ABI3BP: variants seen among roughly 807,000 people sequenced by gnomAD.
ABI3BP encodes the protein ABI family member 3 binding protein, also known as target of Nesh-SH3.
Under a neutral mutation model 268.6 loss-of-function variants are expected in ABI3BP, and 216 were observed. That is an observed-to-expected ratio of 0.80 (90% CI 0.72 to 0.90). The LOEUF is 0.90. ABI3BP is among the 40% of genes least tolerant of loss of function. ABI3BP has a pLI of 0.00. For synonymous variants in ABI3BP, 730 were observed against 730.0 expected (o/e 1.00, Z 0.00); for missense variants, 2,090 against 2,182.4 (o/e 0.96, Z 0.84).
chr3:100,971,173 T>G (rs2083417137), intron 1 of ABI3BP, among the ~76,000 whole-genome samples: 1 of 152,170 alleles, frequency 6.6e-6, no homozygotes, highest in Non-Finnish European at 1.5e-5. Flanking sequence ...GTGAAGACAT[T>G]GCTTGGTACA....
chr3:100,795,657 T>C, intron 53 of ABI3BP, 147 bp downstream of exon 53: 1 of 650,652 alleles, frequency 1.5e-6, no homozygotes, highest in Non-Finnish European at 2.1e-6. Flanking sequence ...ATAATTGCTT[T>C]TCTGTTTTGG....
chr3:100,976,601 G>A (rs2086337835), intron 1 of ABI3BP, among the ~76,000 whole-genome samples: 1 of 152,026 alleles, frequency 6.6e-6, no homozygotes, highest in African/African-American at 2.4e-5. Flanking sequence ...ATAGAAAATG[G>A]TATTTTAATA....
At chr3:100,913,186 C>A (rs2057395730) in intron 2 of ABI3BP, among the ~76,000 whole-genome samples, 1 of 152,154 alleles carries the variant, frequency 6.6e-6, no homozygotes, top group Non-Finnish European at 1.5e-5. Flanking sequence ...ACTAATAAAA[C>A]CAAATTTACA....
chr3:100,759,454 C>T (rs2095823213), intron 63 of ABI3BP, among the ~76,000 whole-genome samples: 2 of 152,060 alleles, frequency 1.3e-5, no homozygotes, highest in South Asian at 4.1e-4. Flanking sequence ...AGGGGGCACT[C>T]AGAAGACAAA....
At chr3:100,876,584 A>G in intron 6 of ABI3BP, 24 bp from the exon 7 acceptor site, 1 of 1,605,954 alleles carries the variant, frequency 6.2e-7, no homozygotes, top group Non-Finnish European at 8.5e-7. Context: ...AAGAAAGTCA[A>G]CTTTTGAGTC....
At position 100,898,882 on chromosome 3, in the gene ABI3BP, G is replaced by T. The variant is rs768856217; in HGVS notation, c.341C>A (p.Ser114Tyr). ...QKKSCSGKTR[S>Y]RKPLQLVVGT... is the part of the protein sequence containing the mutation. ...AACCACCAGCTGCAGAGGTTTGCGA[G>T]AACGAGTTTTACCTGTGGAGGTGGC... The change falls in exon 4 of 68, where the codon TCT becomes TAT. Residue 114 changes from serine (S) to tyrosine (Y), a missense_variant. Ser to Tyr is a moderately radical substitution (Grantham distance 144). Coordinates refer to ENST00000471714, the MANE Select transcript of ABI3BP (RefSeq NM_001375547.2). 10 of 1,610,084 alleles carry T rather than the reference G, an allele frequency of 6.2e-6. No homozygotes were observed. In the South Asian group the frequency reaches 1.1e-4, roughly 18 times the overall value.
At chr3:100,914,567 G>T in intron 2 of ABI3BP, 1 of 383,284 alleles carries the variant, frequency 2.6e-6, no homozygotes, top group Non-Finnish European at 5.3e-6. Flanking sequence ...CACAAGAGAA[G>T]TTGCTCAGAA....
intron 51 of ABI3BP, among the ~76,000 whole-genome samples, chr3:100,800,361 A>C (rs1343006381): frequency 6.6e-6 from 1 of 152,210 alleles, no homozygotes; most frequent in Non-Finnish European, 1.5e-5. Context: ...AAAAAATTTG[A>C]AGTGCTTAGC....
At chr3:100,861,429 C>T (rs947264308) in intron 14 of ABI3BP, among the ~76,000 whole-genome samples, 1 of 152,120 alleles carries the variant, frequency 6.6e-6, no homozygotes, top group African/African-American at 2.4e-5. Context: ...CTTCATTATA[C>T]ACTATATGAT....
intron 4 of ABI3BP, among the ~76,000 whole-genome samples, chr3:100,897,728 A>G (rs1170232953): frequency 1.3e-5 from 2 of 152,232 alleles, no homozygotes; most frequent in Admixed American, 6.5e-5. Flanking sequence ...GGCATTTGTC[A>G]TAACTCAAAC....
In ABI3BP at chr3:100,804,918, C is replaced by A; in HGVS notation, c.3683-52G>T. The A allele has an allele frequency of 3.5e-6, 5 of 1,443,800 alleles. No homozygotes were observed. The South Asian group carries it at 4.6e-5, about 13-fold the overall frequency. The allele number at this position is 1,443,800 out of a possible 1,614,324, so 89.4% of individuals were successfully genotyped here. ...TCATTTGGTTTCAGCATCTTCCAGT[C>A]ATGCTTAAAACATAAGACATGTCAA... On this transcript the variant is annotated intron_variant, in intron 50 of 67. Transcript: ENST00000471714.
intron 1 of ABI3BP, among the ~76,000 whole-genome samples, chr3:100,991,901 A>C (rs1386951306): frequency 6.6e-6 from 1 of 152,172 alleles, no homozygotes; most frequent in African/African-American, 2.4e-5. Context: ...TTGCACCTAT[A>C]TCATCCCTAT....
chr3:100,821,049 A>G lies in ABI3BP; in HGVS notation c.2947+5T>C, dbSNP rs1483625248. Reference sequence around the variant, plus strand: ...CACTTAATGAGGATTGCAACGTGCTATTACCTTGTGTTGTCACCCAAGTCT... The same window carrying G: ...CACTTAATGAGGATTGCAACGTGCTGTTACCTTGTGTTGTCACCCAAGTCT... On this transcript the variant is annotated splice_donor_5th_base_variant and intron_variant, in intron 39 of 67. Transcript: ENST00000471714. 2 of 1,535,222 alleles carry G rather than the reference A, an allele frequency of 1.3e-6. No individual in the cohort carries two copies. Among genetic ancestry groups the G allele is most frequent in the Admixed American group, 2.0e-5 (1 of 51,002 alleles).
intron 9 of ABI3BP, among the ~76,000 whole-genome samples, chr3:100,873,591 C>A (rs2099131712): frequency 6.6e-6 from 1 of 152,158 alleles, no homozygotes; most frequent in South Asian, 2.1e-4. Context: ...GTCTGCCCAC[C>A]TAGGACCCCA....
chr3:100,915,418 G>T (rs1432375902), intron 2 of ABI3BP, among the ~76,000 whole-genome samples: 1 of 152,196 alleles, frequency 6.6e-6, no homozygotes, highest in Non-Finnish European at 1.5e-5. Flanking sequence ...GACTGCTGCC[G>T]CCATGCCCGG....
Position 100,772,812 on chromosome 3 carries a change from C to T in ABI3BP, c.4531+1793G>A, listed in dbSNP as rs557633253. On this transcript the variant is annotated intron_variant, in intron 61 of 67. Coordinates refer to ENST00000471714, the MANE Select transcript of ABI3BP (RefSeq NM_001375547.2). ...ATAAAATGCAGGCTGGGCGTGGTGG[C>T]TCATGCCTATAATCCCAGCACTTTG... Among the ~76,000 whole-genome samples the T allele has an allele frequency of 4.6e-5, 7 of 152,216 alleles. No individual in the cohort carries two copies. The East Asian group carries it at 1.4e-3, about 29-fold the overall frequency.
At chr3:100,974,863 G>A (rs1231598590) in intron 1 of ABI3BP, among the ~76,000 whole-genome samples, 1 of 152,124 alleles carries the variant, frequency 6.6e-6, no homozygotes, top group East Asian at 1.9e-4. Context: ...GTCACGGTTA[G>A]CTTTAGAATG....
At chr3:100,931,016 G>A (rs2063457303) in intron 1 of ABI3BP, 1 of 152,072 alleles carries the variant, frequency 6.6e-6, no homozygotes, top group Admixed American at 6.6e-5. Flanking sequence ...CTTTATTTCT[G>A]AGTTGTAAGG....
intron 2 of ABI3BP, among the ~76,000 whole-genome samples, chr3:100,904,346 T>C (rs1487052907): frequency 2.6e-5 from 4 of 152,136 alleles, no homozygotes; most frequent in African/African-American, 9.7e-5. Context: ...AACTTGTGTT[T>C]TGCAAGGGAA....
Sources: gnomAD v4.1 joint callset for allele counts (sites outside exome capture counted in the v4.1 genomes callset) on GRCh38, gnomAD v4.1.1 for gene constraint, MANE v1.5 for transcripts, NCBI Gene and HGNC (gene_info 2026-07-23, HGNC 2026-07-21) for gene names.